HDGFL1: variants seen among roughly 807,000 people sequenced by gnomAD.
HDGFL1 encodes HDGF like 1.
For synonymous variants in HDGFL1, 190 were observed against 165.1 expected (o/e 1.15, Z -1.16); for missense variants, 422 against 365.3 (o/e 1.16, Z -1.27).
chr6:22,569,723 T>C lies in HDGFL1; in HGVS notation c.148T>C (p.Phe50Leu), dbSNP rs746057052. The change falls in exon 1 of 1, where the codon TTC becomes CTC. Residue 50 changes from phenylalanine (F) to leucine (L), a missense_variant. Phe to Leu is a conservative substitution (Grantham distance 22). Coordinates refer to ENST00000510882, the MANE Select transcript of HDGFL1 (RefSeq NM_138574.4). ...TTTCTTCGGGACCCACGAGACGGCC[T>C]TCCTGAGTCCCAAACGCCTGTTCCC... ...VFFFGTHETA[F>L]LSPKRLFPYK... The C allele has an allele frequency of 4.3e-6, 7 of 1,614,116 alleles. No individual in the cohort carries two copies. In the East Asian group the frequency reaches 1.6e-4, roughly 36 times the overall value.
chr6:22,570,291 A>G lies in HDGFL1; in HGVS notation c.716A>G (p.His239Arg), dbSNP rs1467591036. 9.3e-6 allele frequency: 14 copies of G among 1,507,172 alleles called. No homozygotes were observed. The highest frequency in any genetic ancestry group is 1.8e-4 in the Middle Eastern group (1 of 5,674). 93.4% of individuals were successfully genotyped at this position (1,507,172 alleles called of 1,614,324 possible). ...GACGAGGAGGCCTCCCAGGAGTGGC[A>G]TGCCGAGGCACCGGGCGGCGGAGAT... ...VADEEASQEW[H>R]AEAPGGGDRD... The change falls in exon 1 of 1, where the codon CAT becomes CGT. Residue 239 changes from histidine to arginine, a missense_variant. Transcript: ENST00000510882.
In HDGFL1 at chr6:22,569,626, C is replaced by T. The variant is rs537378324; in HGVS notation, c.51C>T (p.Ala17=). The part of the protein sequence containing the change: ...PMYKSGDLVF[A]KLKGYAHWPA... The stretch of plus-strand genomic sequence containing the variant: ...ACAAGAGCGGGGACCTGGTGTTTGC[C>T]AAGTTAAAGGGCTATGCCCACTGGC... Residue 17 remains alanine, a synonymous_variant, in exon 1 of 1, where the codon GCC becomes GCT. Coordinates refer to ENST00000510882, the MANE Select transcript of HDGFL1 (RefSeq NM_138574.4). The T allele has an allele frequency of 1.3e-4, 212 of 1,614,156 alleles. 2 individuals are homozygous for T. The East Asian group carries it at 4.0e-3, about 31-fold the overall frequency.
rs933909453 is a variant in HDGFL1, at chr6:22,571,609, G to C, written c.*1278G>C. 4.8e-5 allele frequency: 8 copies of C among 167,064 alleles called. No homozygotes were observed. Among genetic ancestry groups the C allele is most frequent in the African/African-American group, 1.9e-4 (8 of 41,440 alleles). The allele number at this position is 167,064 out of a possible 1,614,324, so 10.3% of individuals were successfully genotyped here. A position where few individuals can be genotyped will look rare whatever the true frequency, so the allele number is the denominator to read the frequency against. On this transcript the variant is annotated 3_prime_UTR_variant, in exon 1 of 1. Coordinates refer to ENST00000510882, the MANE Select transcript of HDGFL1 (RefSeq NM_138574.4). ...GACTGCAGTTTCGGAAGTTTGATCT[G>C]AGAACCAACCATAGAATGTTTCAGT...
rs200249690 is a variant in HDGFL1, at chr6:22,569,588, G to C, written c.13G>C (p.Gly5Arg). Residue 5 changes from glycine (G) to arginine (R), a missense_variant, in exon 1 of 1, where the codon GGC becomes CGC. Coordinates refer to ENST00000510882, the MANE Select transcript of HDGFL1 (RefSeq NM_138574.4). MSAY[G>R]MPMYKSGDLV... Reference sequence around the variant, plus strand: ...CGCAGAACCAGCTATGTCGGCCTACGGCATGCCCATGTACAAGAGCGGGGA... The same window carrying C: ...CGCAGAACCAGCTATGTCGGCCTACCGCATGCCCATGTACAAGAGCGGGGA... 10 of 1,613,556 alleles carry C rather than the reference G, an allele frequency of 6.2e-6. No individual in the cohort carries two copies. Among genetic ancestry groups the C allele is most frequent in the African/African-American group, 1.3e-5 (1 of 74,934 alleles).
Position 22,570,040 on chromosome 6 carries a change from C to A in HDGFL1, c.465C>A (p.Asp155Glu). The A allele has an allele frequency of 6.5e-7, 1 of 1,546,144 alleles. No homozygotes were observed. The highest frequency in any genetic ancestry group is 8.7e-7 in the Non-Finnish European group (1 of 1,145,674). Residue 155 changes from aspartate (D) to glutamate (E), a missense_variant, in exon 1 of 1, where the codon GAC becomes GAA. Asp to Glu is a conservative substitution (Grantham distance 45). Coordinates refer to ENST00000510882, the MANE Select transcript of HDGFL1 (RefSeq NM_138574.4). Reference sequence around the variant, plus strand: ...GGAGCGCGGGGGACCCGCCGGAGGACGCCCCCAAACGACCCAAGGAGGCAG... The same window carrying A: ...GGAGCGCGGGGGACCCGCCGGAGGAAGCCCCCAAACGACCCAAGGAGGCAG... ...LKRSAGDPPE[D>E]APKRPKEAAP...
rs764439618 is a variant in HDGFL1 at position 22,570,154 on chromosome 6, G to A, written c.579G>A (p.Glu193=). Residue 193 remains glutamate, a synonymous_variant, in exon 1 of 1, where the codon GAG becomes GAA. Transcript: ENST00000510882. ...CGGCGGCGGCGACGGCCGTCGACGA[G>A]GAGAGTCCGTTCCTCGTGGCGGTGG... ...AAAAAATAVD[E]ESPFLVAVEN... The A allele has an allele frequency of 1.1e-5, 17 of 1,554,462 alleles. No homozygotes were observed. The highest frequency in any genetic ancestry group is 2.3e-5 in the East Asian group (1 of 43,260).
Position 22,570,330 on chromosome 6 carries a change from A to G in HDGFL1, c.755A>G (p.Ter252TrpextTer67), listed in dbSNP as rs1657509235. ...GGCGGCGGAGATCGCGACAGCCTGT[A>G]GTTACCAGCGTTTCCAGAAGAGCCC... ...APGGGDRDSL[*>W] Residue 252 changes from the stop codon to tryptophan, a stop_lost, in exon 1 of 1, where the codon TAG (stop) becomes TGG (tryptophan). Coordinates refer to ENST00000510882, the MANE Select transcript of HDGFL1 (RefSeq NM_138574.4). 6.8e-7 allele frequency: 1 copy of G among 1,460,480 alleles called. No homozygotes were observed. Among genetic ancestry groups the G allele is most frequent in the African/African-American group, 1.4e-5 (1 of 69,460 alleles). 90.5% of individuals were successfully genotyped at this position (1,460,480 alleles called of 1,614,324 possible).
chr6:22,570,400 C>G lies in HDGFL1; in HGVS notation c.*69C>G. The stretch of plus-strand genomic sequence containing the variant: ...GCCTGGCCGTTCTTGGGGAATCTGA[C>G]CACGGCGTGCAAACTGGGACTGCCT... On this transcript the variant is annotated 3_prime_UTR_variant, in exon 1 of 1. Transcript: ENST00000510882. The G allele has an allele frequency of 1.4e-6, 2 of 1,381,730 alleles. No homozygotes were observed. The highest frequency in any genetic ancestry group is 1.9e-6 in the Non-Finnish European group (2 of 1,055,180). 85.6% of individuals were successfully genotyped at this position (1,381,730 alleles called of 1,614,324 possible). A position where few individuals can be genotyped will look rare whatever the true frequency, so the allele number is the denominator to read the frequency against.
rs747803483 is a variant in HDGFL1 at position 22,570,185 on chromosome 6, G to C, written c.610G>C (p.Gly204Arg). The change falls in exon 1 of 1, where the codon GGC becomes CGC. Residue 204 changes from glycine (G) to arginine (R), a missense_variant. Physicochemically the swap from Gly to Arg is moderately radical, Grantham distance 125. Coordinates refer to ENST00000510882, the MANE Select transcript of HDGFL1 (RefSeq NM_138574.4). ...TCCGTTCCTCGTGGCGGTGGAGAACGGCAGCGCCCCTAGCGAGCCGGGCCT... is the reference window on the plus strand; with the variant it reads ...TCCGTTCCTCGTGGCGGTGGAGAACCGCAGCGCCCCTAGCGAGCCGGGCCT... Reference protein sequence around the residue: ...ESPFLVAVENGSAPSEPGLVC... With the variant: ...ESPFLVAVENRSAPSEPGLVC... The C allele has an allele frequency of 4.2e-5, 65 of 1,562,582 alleles. No homozygotes were observed. The highest frequency in any genetic ancestry group is 5.3e-5 in the Non-Finnish European group (61 of 1,158,422).
At position 22,569,874 on chromosome 6, in the gene HDGFL1, G is replaced by A. The variant is rs200898570; in HGVS notation, c.299G>A (p.Gly100Asp). 692 of 1,586,444 alleles carry A rather than the reference G, an allele frequency of 4.4e-4. 2 individuals are homozygous for A. In the African/African-American group the frequency reaches 8.1e-3, roughly 19 times the overall value. ...GACTGCCCATTAGCCTCAGAGAAGG[G>A]CAGCGGAGACGGGCCTTGGCCGGAG... ...ASDCPLASEK[G>D]SGDGPWPEPE... The change falls in exon 1 of 1, where the codon GGC becomes GAC. Residue 100 changes from glycine (G) to aspartate (D), a missense_variant. Physicochemically the swap from Gly to Asp is moderately conservative, Grantham distance 94 (BLOSUM62 -1). Transcript: ENST00000510882.
chr6:22,569,785 C>A lies in HDGFL1; in HGVS notation c.210C>A (p.Asn70Lys), dbSNP rs563167910. 1 of 1,614,086 alleles carries A rather than the reference C, an allele frequency of 6.2e-7. No homozygotes were observed. Among genetic ancestry groups the A allele is most frequent in the East Asian group, 2.2e-5 (1 of 44,782 alleles). ...GCAAGGAGAAGTTCGGCAAGCCCAA[C>A]AAGAGGCGCGGCTTCAGCGCGGGGC... Reference protein sequence around the residue: ...KECKEKFGKPNKRRGFSAGLW... With the variant: ...KECKEKFGKPKKRRGFSAGLW... Residue 70 changes from asparagine (N) to lysine (K), a missense_variant, in exon 1 of 1, where the codon AAC becomes AAA. Transcript: ENST00000510882.
rs1210871122 is a variant in HDGFL1, at chr6:22,571,193, A to G, written c.*862A>G. ...CCTCAAGGCCACCCTACCGTCATAT[A>G]TATCACTCAGGCGTAGAAGAAAAGA... On this transcript the variant is annotated 3_prime_UTR_variant, in exon 1 of 1. Coordinates refer to ENST00000510882, the MANE Select transcript of HDGFL1 (RefSeq NM_138574.4). The G allele has an allele frequency of 6.0e-6, 1 of 167,090 alleles. No homozygotes were observed. Among genetic ancestry groups the G allele is most frequent in the Non-Finnish European group, 1.5e-5 (1 of 68,142 alleles). The allele number at this position is 167,090 out of a possible 1,614,324, so 10.4% of individuals were successfully genotyped here. A position where few individuals can be genotyped will look rare whatever the true frequency, so the allele number is the denominator to read the frequency against.
the HDGFL1 span, chr6:22,570,150 ACGAGGAGAGTCCGTTCCTCG>A: frequency 6.5e-7 from 1 of 1,547,414 alleles, no homozygotes; most frequent in East Asian, 2.3e-5. Flanking sequence ...ACGGCCGTCG[ACGAGGAGAGTCCGTTCCTCG>A]TGGCGGTGGA....
rs761643775 is a variant in HDGFL1, at chr6:22,569,884, C to A, written c.309C>A (p.Asp103Glu). ...TAGCCTCAGAGAAGGGCAGCGGAGA[C>A]GGGCCTTGGCCGGAGCCCGAGGCCG... ...CPLASEKGSGDGPWPEPEAAE... is the reference protein window; with the variant it reads ...CPLASEKGSGEGPWPEPEAAE... Residue 103 changes from aspartate to glutamate, a missense_variant, in exon 1 of 1, where the codon GAC becomes GAA. Transcript: ENST00000510882. 1.3e-6 allele frequency: 2 copies of A among 1,574,736 alleles called. No homozygotes were observed. Among genetic ancestry groups the A allele is most frequent in the South Asian group, 2.3e-5 (2 of 86,584 alleles).
chr6:22,569,801 A>G lies in HDGFL1; in HGVS notation c.226A>G (p.Ser76Gly), dbSNP rs767490042. 5 of 1,613,744 alleles carry G rather than the reference A, an allele frequency of 3.1e-6. No individual in the cohort carries two copies. In the African/African-American group the frequency reaches 5.3e-5, roughly 17 times the overall value. The change falls in exon 1 of 1, where the codon AGC (serine) becomes GGC (glycine). Residue 76 changes from serine to glycine, a missense_variant. Ser to Gly is a moderately conservative substitution (Grantham distance 56). Transcript: ENST00000510882. ...FGKPNKRRGFSAGLWEIENNP... is the reference protein window; with the variant it reads ...FGKPNKRRGFGAGLWEIENNP... ...CAAGCCCAACAAGAGGCGCGGCTTC[A>G]GCGCGGGGCTGTGGGAAATCGAGAA...
chr6:22,570,430 C>G lies in HDGFL1; in HGVS notation c.*99C>G. 7.9e-7 allele frequency: 1 copy of G among 1,272,112 alleles called. No homozygotes were observed. Among genetic ancestry groups the G allele is most frequent in the Non-Finnish European group, 1.0e-6 (1 of 962,080 alleles). 78.8% of individuals were successfully genotyped at this position (1,272,112 alleles called of 1,614,324 possible). Reference sequence around the variant, plus strand: ...GCGTGCAAACTGGGACTGCCTTTCCCTCTCCTCAGCCCGTCCTCCTCCAAC... The same window carrying G: ...GCGTGCAAACTGGGACTGCCTTTCCGTCTCCTCAGCCCGTCCTCCTCCAAC... On this transcript the variant is annotated 3_prime_UTR_variant, in exon 1 of 1. Coordinates refer to ENST00000510882, the MANE Select transcript of HDGFL1 (RefSeq NM_138574.4).
rs1427881559 is a variant in HDGFL1 at position 22,570,248 on chromosome 6, C to T, written c.673C>T (p.Arg225Trp). 3 of 1,555,776 alleles carry T rather than the reference C, an allele frequency of 1.9e-6. No homozygotes were observed. Among genetic ancestry groups the T allele is most frequent in the African/African-American group, 1.4e-5 (1 of 73,542 alleles). ...GCCTCAGCCAGAGGAGGAGGAGCTC[C>T]GGGAGGAAGAAGTCGCGGACGAGGA... ...EPPQPEEEEL[R>W]EEEVADEEAS... Residue 225 changes from arginine to tryptophan, a missense_variant, in exon 1 of 1, where the codon CGG (arginine) becomes TGG (tryptophan). Arg to Trp is a moderately radical substitution (Grantham distance 101, BLOSUM62 -3). Coordinates refer to ENST00000510882, the MANE Select transcript of HDGFL1 (RefSeq NM_138574.4).
In HDGFL1 at chr6:22,571,098, A is replaced by C. The variant is rs1581492058; in HGVS notation, c.*767A>C. 6.0e-6 allele frequency: 1 copy of C among 167,094 alleles called. No homozygotes were observed. Among genetic ancestry groups the C allele is most frequent in the East Asian group, 1.9e-4 (1 of 5,182 alleles). 10.4% of individuals were successfully genotyped at this position (167,094 alleles called of 1,614,324 possible). A position where few individuals can be genotyped will look rare whatever the true frequency, so the allele number is the denominator to read the frequency against. Reference sequence around the variant, plus strand: ...GGGGACCGTGAGAAATATCTGTCCCATTTAGATCTCTGGGGCCACTGATGG... The same window carrying C: ...GGGGACCGTGAGAAATATCTGTCCCCTTTAGATCTCTGGGGCCACTGATGG... On this transcript the variant is annotated 3_prime_UTR_variant, in exon 1 of 1. Coordinates refer to ENST00000510882, the MANE Select transcript of HDGFL1 (RefSeq NM_138574.4).
At position 22,570,185 on chromosome 6, in the gene HDGFL1, G is replaced by A. The variant is rs747803483; in HGVS notation, c.610G>A (p.Gly204Ser). 1.9e-6 allele frequency: 3 copies of A among 1,562,700 alleles called. No individual in the cohort carries two copies. The highest frequency in any genetic ancestry group is 2.0e-5 in the Admixed American group (1 of 51,096). Residue 204 changes from glycine to serine, a missense_variant, in exon 1 of 1, where the codon GGC (glycine) becomes AGC (serine). By Grantham distance (56) the Gly-to-Ser change is moderately conservative. Coordinates refer to ENST00000510882, the MANE Select transcript of HDGFL1 (RefSeq NM_138574.4). ...TCCGTTCCTCGTGGCGGTGGAGAAC[G>A]GCAGCGCCCCTAGCGAGCCGGGCCT... is the stretch of plus-strand genomic sequence containing the variant. ...ESPFLVAVEN[G>S]SAPSEPGLVC... is the part of the protein sequence containing the mutation.
Sources: gnomAD v4.1 joint callset for allele counts on GRCh38, gnomAD v4.1.1 for gene constraint, MANE v1.5 for transcripts, NCBI Gene and HGNC (gene_info 2026-07-23, HGNC 2026-07-21) for gene names.